Variants in TRDN observed in about 807,000 individuals in gnomAD.
The protein encoded by TRDN is triadin, also known as triadin in skeletal muscle.
Under a neutral mutation model 149.7 loss-of-function variants are expected in TRDN, and 161 were observed. That is an observed-to-expected ratio of 1.08 (90% CI 0.95 to 1.23). TRDN has a LOEUF of 1.23. TRDN is among the 50% of genes most tolerant of loss of function. The pLI, the probability that TRDN is intolerant of heterozygous loss-of-function variation, is 0.00. For synonymous variants in TRDN, 294 were observed against 250.5 expected, an observed-to-expected ratio of 1.17 and a Z score of -1.64; for missense variants, 896 against 823.5, an observed-to-expected ratio of 1.09 and a Z score of -1.08.
intron 2 of TRDN, among the ~76,000 whole-genome samples, chr6:123,569,424 G>A (rs1782449019): frequency 6.6e-6 from 1 of 152,096 alleles, no homozygotes; most frequent in African/African-American, 2.4e-5. Flanking sequence ...CAGTTCCCAA[G>A]TTGCTTCCAC....
At chr6:123,387,310 A>C (rs187266847) in intron 14 of TRDN, among the ~76,000 whole-genome samples, 113 of 152,302 alleles carry the variant, frequency 7.4e-4, no homozygotes, top group Non-Finnish European at 1.4e-3. Context: ...AATTTTTAAA[A>C]TATGGTATTA....
chr6:123,551,749 T>C (rs565628004), intron 2 of TRDN, among the ~76,000 whole-genome samples: 7 of 142,684 alleles, frequency 4.9e-5, no homozygotes, highest in African/African-American at 1.9e-4. Flanking sequence ...TCAGGTTACA[T>C]AGTAAGTGAT....
intron 23 of TRDN, among the ~76,000 whole-genome samples, chr6:123,324,416 G>A (rs1371212453): frequency 1.3e-5 from 2 of 151,892 alleles, no homozygotes; most frequent in Non-Finnish European, 2.9e-5. Flanking sequence ...GGAGTTTGAG[G>A]CCAGCCTGAG....
chr6:123,323,735 C>T (rs1026293348), intron 23 of TRDN, among the ~76,000 whole-genome samples: 2 of 152,182 alleles, frequency 1.3e-5, no homozygotes, highest in East Asian at 1.9e-4. Flanking sequence ...TTGTCCCTGC[C>T]TTATTCTGTC....
intron 1 of TRDN, 123 bp from the exon 2 acceptor site, chr6:123,571,255 T>G: frequency 1.0e-6 from 1 of 999,862 alleles, no homozygotes; most frequent in South Asian, 1.6e-5. Flanking sequence ...GCACAACTCC[T>G]TAGTGGCAGG....
At chr6:123,564,172 T>C (rs1051185410) in intron 2 of TRDN, among the ~76,000 whole-genome samples, 1 of 152,186 alleles carries the variant, frequency 6.6e-6, no homozygotes, top group Non-Finnish European at 1.5e-5. Context: ...ATAGACAGAC[T>C]GAAGTTGGGT....
chr6:123,267,075 C>G (rs1777035296), intron 32 of TRDN, among the ~76,000 whole-genome samples: 2 of 99,852 alleles, frequency 2.0e-5, no homozygotes, highest in Non-Finnish European at 3.6e-5. Context: ...CCACTGCACT[C>G]CAGCCTGGAG....
intron 8 of TRDN, chr6:123,498,155 T>A (rs960415545): frequency 6.1e-6 from 1 of 163,250 alleles, no homozygotes; most frequent in Admixed American, 6.0e-5. Flanking sequence ...TCCTGAAATA[T>A]GCATTTTATT....
chr6:123,359,652 G>A (rs1381056488), intron 20 of TRDN, among the ~76,000 whole-genome samples: 1 of 152,090 alleles, frequency 6.6e-6, no homozygotes, highest in Non-Finnish European at 1.5e-5. Flanking sequence ...AGAAAATGAG[G>A]ACTTTAGGTT....
At chr6:123,370,151 AGAAT>A (rs1261192745) in intron 19 of TRDN, among the ~76,000 whole-genome samples, 5 of 152,186 alleles carry the variant, frequency 3.3e-5, no homozygotes, top group African/African-American at 1.2e-4. Flanking sequence ...CCTAAGAAAT[AGAAT>A]ATCGCCAAGG....
chr6:123,624,648 A>G (rs568862356), intron 1 of TRDN, among the ~76,000 whole-genome samples: 19 of 152,274 alleles, frequency 1.2e-4, no homozygotes, highest in Non-Finnish European at 2.2e-4. Context: ...CTCTGCCAAC[A>G]GATTTGGTTT....
intron 14 of TRDN, among the ~76,000 whole-genome samples, chr6:123,384,028 G>T (rs1781816423): frequency 6.6e-6 from 1 of 152,056 alleles, no homozygotes; most frequent in South Asian, 2.1e-4. Context: ...AAATATTCTT[G>T]CTATTTAGTT....
At chr6:123,289,417 T>G (rs892406221) in intron 24 of TRDN, among the ~76,000 whole-genome samples, 8 of 152,024 alleles carry the variant, frequency 5.3e-5, no homozygotes, top group African/African-American at 1.9e-4. Context: ...TCTATTGTTC[T>G]CATGGCGATC....
rs190596885 is a variant in TRDN at position 123,309,567 on chromosome 6, A to G, written c.1510+6890T>C. Reference sequence around the variant, plus strand: ...ATTCATGTATCGCTAGTATAAAGCCAACACTGGTTCCATCATACTTTATAG... The same window carrying G: ...ATTCATGTATCGCTAGTATAAAGCCGACACTGGTTCCATCATACTTTATAG... On this transcript the variant is annotated intron_variant, in intron 24 of 40. Transcript: ENST00000334268. Among the ~76,000 whole-genome samples, 24 of 152,134 alleles carry G rather than the reference A, an allele frequency of 1.6e-4. No homozygotes were observed. In the East Asian group the frequency reaches 4.1e-3, roughly 26 times the overall value.
In TRDN at chr6:123,443,475, C is replaced by T. The variant is rs1026781254; in HGVS notation, c.932-4472G>A. Reference sequence around the variant, plus strand: ...AATACCTGCAGAGATCCTGAAATGACAGCAGGCTAGATAAATTCAAAGAAG... The same window carrying T: ...AATACCTGCAGAGATCCTGAAATGATAGCAGGCTAGATAAATTCAAAGAAG... On this transcript the variant is annotated intron_variant, in intron 10 of 40. Coordinates refer to ENST00000334268, the MANE Select transcript of TRDN (RefSeq NM_006073.4). 4.6e-5 allele frequency among the ~76,000 whole-genome samples: 7 copies of T among 152,072 alleles called. No homozygotes were observed. The East Asian group carries it at 1.4e-3, about 30-fold the overall frequency.
intron 10 of TRDN, 180 bp downstream of exon 10, chr6:123,464,726 T>G: frequency 7.2e-7 from 1 of 1,390,406 alleles, no homozygotes; most frequent in Non-Finnish European, 9.3e-7. Flanking sequence ...TAAGGGGACA[T>G]TTTTGGTTTT....
At chr6:123,445,503 A>G (rs1775268769) in intron 10 of TRDN, among the ~76,000 whole-genome samples, 1 of 114,622 alleles carries the variant, frequency 8.7e-6, no homozygotes, top group South Asian at 3.0e-4. Flanking sequence ...AAGGGCTAAT[A>G]TCCAGAATCT....
At chr6:123,517,244 T>C (rs1036780640) in intron 5 of TRDN, among the ~76,000 whole-genome samples, 1 of 152,022 alleles carries the variant, frequency 6.6e-6, no homozygotes, top group Non-Finnish European at 1.5e-5. Context: ...GTATGAGAAA[T>C]GAGAAGAAAT....
chr6:123,223,130 G>T (rs573676366), intron 39 of TRDN, among the ~76,000 whole-genome samples: 276 of 151,826 alleles, frequency 1.8e-3, no homozygotes, highest in African/African-American at 6.4e-3. Context: ...ATTCAACCCA[G>T]CAATCCCATT....
Sources: allele counts gnomAD v4.1 joint callset (sites outside exome capture counted in the v4.1 genomes callset), GRCh38; gene constraint gnomAD v4.1.1; transcripts MANE v1.5; gene names NCBI Gene and HGNC (gene_info 2026-07-23, HGNC 2026-07-21).